The following KLHL29 variants were observed in gnomAD, a reference collection of about 807,000 sequenced individuals.
KLHL29 encodes kelch like family member 29, also known as kelch-like protein 29.
Under a neutral mutation model 80.4 loss-of-function variants are expected in KLHL29, and 21 were observed. That is an observed-to-expected ratio of 0.26 (90% confidence interval 0.19 to 0.38). The LOEUF (loss-of-function observed/expected upper bound fraction) is 0.38, where lower values mean the gene tolerates loss of function less well. Among genes scored for constraint, KLHL29 ranks in the 10% least tolerant of loss-of-function variants. The pLI is 1.00. For synonymous variants in KLHL29, 511 were observed against 526.8 expected (o/e 0.97, Z 0.41); for missense variants, 867 against 1,223.9 (o/e 0.71, Z 4.35).
At chr2:23,429,026 G>A (rs1358168536) in intron 1 of KLHL29, among the ~76,000 whole-genome samples, 1 of 152,140 alleles carries the variant, frequency 6.6e-6, no homozygotes, top group Non-Finnish European at 1.5e-5. Context: ...TCTTCTCTCT[G>A]GGCCTTGACT....
Position 23,681,404 on chromosome 2 carries a change from G to C in KLHL29, c.941-2995G>C, listed in dbSNP as rs912920436. ...GTCTAGCTCCAGAATTCCTGGAGCA[G>C]AAGGTGTCACGGCCGGGGCTGGGGC... On this transcript the variant is annotated intron_variant, in intron 5 of 13. Coordinates refer to ENST00000486442, the MANE Select transcript of KLHL29 (RefSeq NM_052920.2). The surrounding 1 kb of genome is among the most constrained non-coding windows in gnomAD (Gnocchi z 4.2). 6.6e-6 allele frequency among the ~76,000 whole-genome samples: 1 copy of C among 152,230 alleles called. No individual in the cohort carries two copies. Among genetic ancestry groups the C allele is most frequent in the Non-Finnish European group, 1.5e-5 (1 of 68,030 alleles).
rs1664961887 is a variant in KLHL29 at position 23,487,338 on chromosome 2, G to GA, written c.-46+11671_-46+11672insA. Among the ~76,000 whole-genome samples, 9 of 152,272 alleles carry GA rather than the reference G, an allele frequency of 5.9e-5. 1 individual carries two copies. In the South Asian group the frequency reaches 1.9e-3, roughly 32 times the overall value. ...GGCCAAACCAAGGACGCTGGAGAGA[G>GA]GGGCAGGAGGGGACGTCTTCTGCAC... On this transcript the variant is annotated intron_variant, in intron 2 of 13. Transcript: ENST00000486442.
chr2:23,634,226 G>A (rs1010622065), intron 3 of KLHL29, among the ~76,000 whole-genome samples: 1 of 152,224 alleles, frequency 6.6e-6, no homozygotes, highest in Non-Finnish European at 1.5e-5. Context: ...AGAGCATCGT[G>A]GCCTGCAGGT....
chr2:23,550,283 G>A (rs902158758), intron 2 of KLHL29, among the ~76,000 whole-genome samples: 3 of 152,230 alleles, frequency 2.0e-5, no homozygotes, highest in African/African-American at 4.8e-5. Context: ...AGGGGGGCAC[G>A]AAGGCCTGAC....
chr2:23,597,886 C>T lies in KLHL29; in HGVS notation c.285+35405C>T, dbSNP rs116150927. On this transcript the variant is annotated intron_variant, in intron 3 of 13. Transcript: ENST00000486442. ...CCTGTGGTCTTTCCGCAACCCTGCC[C>T]GTTCATGGCCTCTGGGCTGGTCCCC... Among the ~76,000 whole-genome samples the T allele has an allele frequency of 4.3e-3, 656 of 152,238 alleles. 5 individuals carry two copies. Among genetic ancestry groups the T allele is most frequent in the African/African-American group, 0.012 (502 of 41,530 alleles).
intron 6 of KLHL29, among the ~76,000 whole-genome samples, chr2:23,688,598 C>A (rs979139994): frequency 6.6e-6 from 1 of 152,056 alleles, no homozygotes. Flanking sequence ...CTCCTGGGCA[C>A]CCCCACGCCC....
At chr2:23,624,426 A>G (rs1440009839) in intron 3 of KLHL29, among the ~76,000 whole-genome samples, 1 of 152,024 alleles carries the variant, frequency 6.6e-6, no homozygotes, top group Non-Finnish European at 1.5e-5. Context: ...TCCACCAATT[A>G]CCTGGACTCT....
chr2:23,654,695 T>TGGGGGGGG (rs769363801), intron 5 of KLHL29, among the ~76,000 whole-genome samples: 8 of 34,236 alleles, frequency 2.3e-4, no homozygotes, highest in Middle Eastern at 0.019. Context: ...GGAACAGAGG[T>TGGGGGGGG]TGGGGGGGGG....
At chr2:23,537,138 A>C (rs761301839) in intron 2 of KLHL29, among the ~76,000 whole-genome samples, 4 of 151,942 alleles carry the variant, frequency 2.6e-5, no homozygotes, top group Non-Finnish European at 5.9e-5. Context: ...CTGAATTTGC[A>C]TTTGTCCTGA....
chr2:23,656,700 GA>G (rs1374929489), intron 5 of KLHL29, among the ~76,000 whole-genome samples: 1 of 152,128 alleles, frequency 6.6e-6, no homozygotes, highest in Non-Finnish European at 1.5e-5. Context: ...CACCAATATA[GA>G]AAAGTCATGT....
intron 5 of KLHL29, chr2:23,672,326 TCCAGTGGCTC>T (rs1670789112): frequency 6.6e-6 from 1 of 152,398 alleles, no homozygotes; most frequent in Non-Finnish European, 1.5e-5. Flanking sequence ...CTCCGTCCAC[TCCAGTGGCTC>T]CTTCCCCATC....
intron 3 of KLHL29, among the ~76,000 whole-genome samples, chr2:23,605,418 A>T (rs527595861): frequency 6.6e-6 from 1 of 152,106 alleles, no homozygotes; most frequent in African/African-American, 2.4e-5. Context: ...TTATGGAGCG[A>T]CTTCCACGCG....
At position 23,388,916 on chromosome 2, in the gene KLHL29, C is replaced by T. The variant is rs12620611; in HGVS notation, c.-154+3136C>T. On this transcript the variant is annotated intron_variant, in intron 1 of 13. Transcript: ENST00000486442. ...TTTGGCTGGGAGACATCAATTCAGTCCAGCAGAACTAACTAAAGTTTTTCC... is the reference window on the plus strand; with the variant it reads ...TTTGGCTGGGAGACATCAATTCAGTTCAGCAGAACTAACTAAAGTTTTTCC... Among the ~76,000 whole-genome samples the T allele has an allele frequency of 9.1e-4, 137 of 151,078 alleles. 1 individual carries two copies. Among genetic ancestry groups the T allele is most frequent in the African/African-American group, 3.2e-3 (131 of 41,180 alleles).
chr2:23,408,590 T>C (rs1172834542), intron 1 of KLHL29, among the ~76,000 whole-genome samples: 1 of 152,206 alleles, frequency 6.6e-6, no homozygotes, highest in Non-Finnish European at 1.5e-5. Context: ...AATGAGTTAT[T>C]ACTGGCAAAT....
intron 3 of KLHL29, among the ~76,000 whole-genome samples, chr2:23,586,435 C>T (rs1668121061): frequency 6.8e-6 from 1 of 147,162 alleles, no homozygotes; most frequent in South Asian, 2.1e-4. Context: ...TCTCAGCTCA[C>T]TGCAACCTCC....
At chr2:23,662,858 A>C (rs1174137157) in intron 5 of KLHL29, among the ~76,000 whole-genome samples, 2 of 152,180 alleles carry the variant, frequency 1.3e-5, no homozygotes, top group Non-Finnish European at 2.9e-5. Context: ...AGCAGGAAGC[A>C]ATGAAACACA....
chr2:23,660,975 G>T (rs981215407), intron 5 of KLHL29, among the ~76,000 whole-genome samples: 3 of 152,072 alleles, frequency 2.0e-5, no homozygotes, highest in Non-Finnish European at 2.9e-5. Context: ...AGGTTGCAGT[G>T]AGCTGAAATC....
intron 8 of KLHL29, among the ~76,000 whole-genome samples, chr2:23,694,724 C>T (rs781566167): frequency 3.3e-5 from 5 of 152,200 alleles, no homozygotes; most frequent in Non-Finnish European, 7.3e-5. Context: ...CGCCTCTACA[C>T]GGGCTTCGAA....
chr2:23,604,269 GT>G (rs200814283), intron 3 of KLHL29, among the ~76,000 whole-genome samples: 1 of 146,566 alleles, frequency 6.8e-6, no homozygotes, highest in African/African-American at 2.5e-5. Context: ...ACGCCTGGCT[GT>G]ATTTTTAGTT....
Sources: allele counts gnomAD v4.1 joint callset (sites outside exome capture counted in the v4.1 genomes callset), GRCh38; gene constraint gnomAD v4.1.1; non-coding constraint Gnocchi (gnomAD v3.1); transcripts MANE v1.5; gene names NCBI Gene and HGNC (gene_info 2026-07-23, HGNC 2026-07-21).